The following MDH2 variants were observed in gnomAD, a reference collection of about 807,000 sequenced individuals.
MDH2 encodes the protein malate dehydrogenase, mitochondrial.
MDH2 carries 25 observed loss-of-function variants against 33.6 expected under a neutral mutation model. That is an observed-to-expected ratio of 0.74 (90% CI 0.54 to 1.04). MDH2 has a LOEUF of 1.04. Ranked by LOEUF, MDH2 falls within the 50% of genes least tolerant of loss-of-function variation. The pLI is 0.00. For missense variants in MDH2, 432 were observed against 445.0 expected, an observed-to-expected ratio of 0.97 and a Z score of 0.26; for synonymous variants, 193 against 188.7, an observed-to-expected ratio of 1.02 and a Z score of -0.19.
At chr7:76,050,457 G>A (rs1797587453) in intron 1 of MDH2, among the ~76,000 whole-genome samples, 1 of 152,232 alleles carries the variant, frequency 6.6e-6, no homozygotes, top group African/African-American at 2.4e-5. Flanking sequence ...GTCTCAGGAT[G>A]TAGCTGAGAG....
chr7:76,052,485 C>T (rs1308512486), intron 1 of MDH2, among the ~76,000 whole-genome samples: 1 of 151,242 alleles, frequency 6.6e-6, no homozygotes, highest in Non-Finnish European at 1.5e-5. Context: ...ATCCTCCACC[C>T]TGGTGGGATT....
chr7:76,048,962 T>C lies in MDH2; in HGVS notation c.66+736T>C, dbSNP rs541961126. 57 of 586,486 alleles carry C rather than the reference T, an allele frequency of 9.7e-5. 2 individuals are homozygous for C. In the South Asian group the frequency reaches 3.8e-3, roughly 39 times the overall value. 36.3% of individuals were successfully genotyped at this position (586,486 alleles called of 1,614,324 possible). On this transcript the variant is annotated intron_variant, in intron 1 of 8. Coordinates refer to ENST00000315758, the MANE Select transcript of MDH2 (RefSeq NM_005918.4). ...AATAAAAAACAGACGTCTGGGTTCA[T>C]TGAAGAAGCTTAAGACTGCGGGGGG... is the stretch of plus-strand genomic sequence containing the variant.
chr7:76,060,311 C>A, intron 4 of MDH2, 62 bp from the exon 5 acceptor site: 1 of 1,591,494 alleles, frequency 6.3e-7, no homozygotes, highest in Non-Finnish European at 8.6e-7. Context: ...CCTTTTCCTG[C>A]TGTGGCTTGG....
intron 3 of MDH2, among the ~76,000 whole-genome samples, chr7:76,057,734 G>A (rs533412417): frequency 6.6e-6 from 1 of 152,188 alleles, no homozygotes; most frequent in East Asian, 1.9e-4. Context: ...CTCTACCTTG[G>A]GGGTTCTTAA....
chr7:76,052,481 C>T (rs1398386391), intron 1 of MDH2, among the ~76,000 whole-genome samples: 3 of 150,998 alleles, frequency 2.0e-5, no homozygotes, highest in Admixed American at 6.6e-5. Context: ...TTTCATCCTC[C>T]ACCCTGGTGG....
chr7:76,053,171 A>G (rs1288416303), intron 1 of MDH2, among the ~76,000 whole-genome samples: 1 of 152,202 alleles, frequency 6.6e-6, no homozygotes, highest in African/African-American at 2.4e-5. Flanking sequence ...GTCTCTGATA[A>G]GAAGGAGGTG....
chr7:76,062,156 C>T (rs193290284), intron 5 of MDH2, among the ~76,000 whole-genome samples: 15 of 152,340 alleles, frequency 9.8e-5, no homozygotes, highest in Non-Finnish European at 1.8e-4. Flanking sequence ...GCATATCAAT[C>T]CTTAAACTTC....
chr7:76,061,406 T>G (rs2116688603), intron 5 of MDH2, among the ~76,000 whole-genome samples: 1 of 151,672 alleles, frequency 6.6e-6, no homozygotes, highest in East Asian at 1.9e-4. Context: ...GTTACAGGTG[T>G]GGGGGTCACA....
intron 8 of MDH2, among the ~76,000 whole-genome samples, chr7:76,065,954 T>C (rs1798084518): frequency 6.6e-6 from 1 of 152,184 alleles, no homozygotes; most frequent in African/African-American, 2.4e-5. Flanking sequence ...CAGGTGCTTG[T>C]CGCATTGTCC....
chr7:76,057,099 T>C (rs545302406), intron 2 of MDH2, among the ~76,000 whole-genome samples: 3 of 152,134 alleles, frequency 2.0e-5, no homozygotes, highest in Non-Finnish European at 4.4e-5. Flanking sequence ...CAAGTGTGAC[T>C]TACAATGCTC....
intron 1 of MDH2, chr7:76,048,839 C>T: frequency 8.3e-7 from 1 of 1,205,346 alleles, no homozygotes; most frequent in Non-Finnish European, 1.0e-6. Context: ...CTTGACTTGG[C>T]CCGCGACCAC....
intron 1 of MDH2, among the ~76,000 whole-genome samples, chr7:76,052,430 C>A (rs1460388547): frequency 1.3e-3 from 171 of 128,678 alleles, no homozygotes; most frequent in East Asian, 2.7e-3. Flanking sequence ...GACCCTATCT[C>A]AAAAAAAAAA....
In MDH2 at chr7:76,064,920, A is replaced by G. The variant is rs1283977375; in HGVS notation, c.852A>G (p.Glu284=). 3 of 1,614,052 alleles carry G rather than the reference A, an allele frequency of 1.9e-6. No homozygotes were observed. Among genetic ancestry groups the G allele is most frequent in the Non-Finnish European group, 2.5e-6 (3 of 1,180,028 alleles). ...ECSFVKSQET[E]CTYFSTPLLL... The stretch of plus-strand genomic sequence containing the variant: ...CCTTCGTTAAGTCACAGGAAACGGA[A>G]TGTACCTACTTCTCCACACCGCTGC... The change falls in exon 8 of 9, where the codon GAA becomes GAG. Residue 284 remains glutamate, a synonymous_variant. Coordinates refer to ENST00000315758, the MANE Select transcript of MDH2 (RefSeq NM_005918.4).
At chr7:76,051,742 C>G (rs1797632949) in intron 1 of MDH2, among the ~76,000 whole-genome samples, 1 of 152,134 alleles carries the variant, frequency 6.6e-6, no homozygotes, top group East Asian at 1.9e-4. Flanking sequence ...TAAAACAAAC[C>G]ATAACACGTT....
intron 1 of MDH2, among the ~76,000 whole-genome samples, chr7:76,052,306 T>A (rs1404269511): frequency 6.6e-6 from 1 of 151,928 alleles, no homozygotes; most frequent in Non-Finnish European, 1.5e-5. Flanking sequence ...ATGAGTGGTG[T>A]GTACCTGTAG....
chr7:76,048,795 C>T (rs1455054965), intron 1 of MDH2: 1 of 1,221,542 alleles, frequency 8.2e-7, no homozygotes, highest in Non-Finnish European at 1.0e-6. Flanking sequence ...CTGCTGTGGG[C>T]GGACTGAGCC....
Position 76,064,579 on chromosome 7 carries a change from G to A in MDH2, c.733+141G>A, listed in dbSNP as rs1393315669. 19 of 943,648 alleles carry A rather than the reference G, an allele frequency of 2.0e-5. No homozygotes were observed. In the Admixed American group the frequency reaches 3.4e-4, roughly 17 times the overall value. 58.5% of individuals were successfully genotyped at this position (943,648 alleles called of 1,614,324 possible). A position where few individuals can be genotyped will look rare whatever the true frequency, so the allele number is the denominator to read the frequency against. ...CAGTTGCCTGGTGGAAAATCCCTGT[G>A]TGAGAGGGCAGCTCGGCCTGCTTTG... On this transcript the variant is annotated intron_variant, in intron 7 of 8. Coordinates refer to ENST00000315758, the MANE Select transcript of MDH2 (RefSeq NM_005918.4).
At chr7:76,063,409 C>G in intron 5 of MDH2, 106 bp from the exon 6 acceptor site, 1 of 1,092,796 alleles carries the variant, frequency 9.2e-7, no homozygotes, top group Middle Eastern at 2.0e-4. Flanking sequence ...TCTGTTCCAC[C>G]CTGAGTTCTG....
intron 5 of MDH2, among the ~76,000 whole-genome samples, chr7:76,063,244 A>C (rs1554587257): frequency 6.6e-6 from 1 of 152,216 alleles, no homozygotes; most frequent in African/African-American, 2.4e-5. Flanking sequence ...CACAGTGGGC[A>C]CAAATGCTCA....
Sources: allele counts gnomAD v4.1 joint callset (sites outside exome capture counted in the v4.1 genomes callset), GRCh38; gene constraint gnomAD v4.1.1; transcripts MANE v1.5; gene names NCBI Gene and HGNC (gene_info 2026-07-23, HGNC 2026-07-21).